Variants in RAD51B observed in about 807,000 individuals in gnomAD.
The protein encoded by RAD51B is RAD51 paralog B, also known as DNA repair protein RAD51 homolog 2.
RAD51B carries 38 observed loss-of-function variants against 42.2 expected under a neutral mutation model. The observed-to-expected ratio is 0.90, with a 90% CI of 0.70 to 1.18. The LOEUF (loss-of-function observed/expected upper bound fraction) is 1.18. Ranked by LOEUF, RAD51B falls within the 50% of genes most tolerant of loss-of-function variation. The pLI is 0.00. For synonymous variants in RAD51B, 154 were observed against 145.2 expected (o/e 1.06, Z -0.43); for missense variants, 373 against 400.7 (o/e 0.93, Z 0.59).
At chr14:68,361,812 A>T (rs1180707142) in intron 8 of RAD51B, among the ~76,000 whole-genome samples, 3 of 152,110 alleles carry the variant, frequency 2.0e-5, no homozygotes, top group African/African-American at 7.2e-5. Context: ...AGTAGCTGGG[A>T]TTACAGGCAC....
At chr14:68,625,197 G>A (rs554076260) in intron 10 of RAD51B, among the ~76,000 whole-genome samples, 3 of 152,084 alleles carry the variant, frequency 2.0e-5, no homozygotes, top group Non-Finnish European at 4.4e-5. Context: ...TAATGAGGAG[G>A]GAAGGCCATA....
intron 10 of RAD51B, among the ~76,000 whole-genome samples, chr14:68,566,834 C>T (rs572691847): frequency 1.1e-3 from 160 of 152,234 alleles, no homozygotes; most frequent in African/African-American, 3.7e-3. Context: ...CATTATCTGG[C>T]CCCAACTTGC....
intron 10 of RAD51B, among the ~76,000 whole-genome samples, chr14:68,551,512 A>G (rs928101887): frequency 6.6e-6 from 1 of 152,162 alleles, no homozygotes; most frequent in African/African-American, 2.4e-5. Flanking sequence ...CCCCTTCCCA[A>G]GAAGTGCCTG....
At chr14:68,110,872 C>T (rs1302554512) in intron 7 of RAD51B, among the ~76,000 whole-genome samples, 1 of 151,980 alleles carries the variant, frequency 6.6e-6, no homozygotes, top group Non-Finnish European at 1.5e-5. Context: ...TGATATTCTC[C>T]TCTATATGCA....
rs541270900 is a variant in RAD51B, at chr14:68,361,179, T to A, written c.854-50245T>A. Among the ~76,000 whole-genome samples the A allele has an allele frequency of 2.6e-5, 4 of 152,334 alleles. No homozygotes were observed. The East Asian group carries it at 7.7e-4, about 29-fold the overall frequency. On this transcript the variant is annotated intron_variant, in intron 8 of 10. Transcript: ENST00000471583. ...AAAGACTTTGCTTCTGAGGCAGCTC[T>A]GAGGCTACCCAATATCCTTTAGTTC...
chr14:68,035,736 G>A (rs189942013), intron 7 of RAD51B, among the ~76,000 whole-genome samples: 77 of 152,278 alleles, frequency 5.1e-4, no homozygotes, highest in African/African-American at 1.8e-3. Context: ...CAAATGGGAC[G>A]ATAAAGAGGC....
At chr14:67,834,036 T>A (rs946441076) in intron 3 of RAD51B, among the ~76,000 whole-genome samples, 9 of 152,216 alleles carry the variant, frequency 5.9e-5, no homozygotes, top group African/African-American at 1.9e-4. Context: ...AGAAATTTAT[T>A]CTCTTACAGT....
At chr14:68,371,059 A>AAAAAAAAAAAAAAG (rs2083250853) in intron 8 of RAD51B, among the ~76,000 whole-genome samples, 1 of 144,384 alleles carries the variant, frequency 6.9e-6, no homozygotes, top group Non-Finnish European at 1.5e-5. Flanking sequence ...AAAAAAAGAA[A>AAAAAAAAAAAAAAG]AAAAGAAAAG....
intron 8 of RAD51B, among the ~76,000 whole-genome samples, chr14:68,294,970 G>A (rs1405190077): frequency 6.6e-6 from 1 of 152,188 alleles, no homozygotes; most frequent in African/African-American, 2.4e-5. Context: ...AACACACTGG[G>A]ATGGGGTGAC....
chr14:68,586,731 G>A (rs1436858565), intron 10 of RAD51B, among the ~76,000 whole-genome samples: 1 of 152,154 alleles, frequency 6.6e-6, no homozygotes, highest in Non-Finnish European at 1.5e-5. Context: ...ATGGCCGGGT[G>A]CGGTGTTTCA....
At chr14:68,583,293 C>T (rs59562923) in intron 10 of RAD51B, among the ~76,000 whole-genome samples, 3 of 152,110 alleles carry the variant, frequency 2.0e-5, no homozygotes, top group Non-Finnish European at 4.4e-5. Flanking sequence ...GGGGGTGACA[C>T]TCTTTGGAGA....
chr14:68,105,463 A>T (rs968300091), intron 7 of RAD51B, among the ~76,000 whole-genome samples: 4 of 151,680 alleles, frequency 2.6e-5, no homozygotes, highest in African/African-American at 9.7e-5. Context: ...TTAATAAGAA[A>T]CTCGTTTCTT....
Position 67,823,598 on chromosome 14 carries a change from C to G in RAD51B, c.55C>G (p.Leu19Val). ...TTTATCACAAGAGCTGTGTGACCGTCTGAGTAGACATCAGATCCTTACCTG... is the reference window on the plus strand; with the variant it reads ...TTTATCACAAGAGCTGTGTGACCGTGTGAGTAGACATCAGATCCTTACCTG... ...VGLSQELCDR[L>V]SRHQILTCQD... Residue 19 changes from leucine (L) to valine (V), a missense_variant, in exon 2 of 11, where the codon CTG becomes GTG. Transcript: ENST00000471583. The G allele has an allele frequency of 2.5e-6, 4 of 1,613,710 alleles. No homozygotes were observed. In the South Asian group the frequency reaches 3.3e-5, roughly 13 times the overall value.
chr14:68,036,710 A>C (rs2076128529), intron 7 of RAD51B, among the ~76,000 whole-genome samples: 1 of 152,134 alleles, frequency 6.6e-6, no homozygotes, highest in Non-Finnish European at 1.5e-5. Flanking sequence ...GGATTTGGGG[A>C]GATGACTGCA....
At chr14:68,480,134 A>G (rs1306702246), downstream of RAD51B, among the ~76,000 whole-genome samples, 1 of 152,106 alleles carries the variant, frequency 6.6e-6, no homozygotes, top group Non-Finnish European at 1.5e-5. Flanking sequence ...GTGCAGTGGC[A>G]TGATCTTGGC....
intron 9 of RAD51B, among the ~76,000 whole-genome samples, chr14:68,425,526 C>T (rs1400128452): frequency 4.6e-5 from 7 of 152,232 alleles, no homozygotes; most frequent in African/African-American, 1.2e-4. Flanking sequence ...TCTCTTTGCC[C>T]TTCCACCATG....
At chr14:68,235,521 G>A (rs893580948) in intron 7 of RAD51B, among the ~76,000 whole-genome samples, 12 of 151,160 alleles carry the variant, frequency 7.9e-5, no homozygotes, top group Non-Finnish European at 7.4e-5. Context: ...CGGCTAAAAC[G>A]GTGAAACCCC....
intron 7 of RAD51B, among the ~76,000 whole-genome samples, chr14:68,132,567 A>G (rs1011863834): frequency 4.6e-5 from 7 of 152,234 alleles, no homozygotes; most frequent in African/African-American, 1.2e-4. Context: ...CTTGGTAAAA[A>G]GAGGAAATTA....
chr14:67,868,368 C>T (rs2139999779), intron 5 of RAD51B, among the ~76,000 whole-genome samples: 1 of 148,916 alleles, frequency 6.7e-6, no homozygotes, highest in East Asian at 2.0e-4. Context: ...GAATACTGTG[C>T]TTTTCCGACG....
Sources: allele counts gnomAD v4.1 joint callset (sites outside exome capture counted in the v4.1 genomes callset), GRCh38; gene constraint gnomAD v4.1.1; transcripts MANE v1.5; gene names NCBI Gene and HGNC (gene_info 2026-07-23, HGNC 2026-07-21).